The following TADA3 variants were observed in gnomAD, a reference collection of about 807,000 sequenced individuals.
The protein encoded by TADA3 is transcriptional adaptor 3.
TADA3 carries 25 observed loss-of-function variants against 43.2 expected under a neutral mutation model. The observed-to-expected ratio is 0.58, with a 90% CI of 0.42 to 0.81. The LOEUF is 0.81. TADA3 is among the 30% of genes least tolerant of loss of function. TADA3 has a pLI of 0.00. For missense variants in TADA3, 441 were observed against 567.8 expected, an observed-to-expected ratio of 0.78 and a Z score of 2.27; for synonymous variants, 235 against 225.5, an observed-to-expected ratio of 1.04 and a Z score of -0.38.
chr3:9,790,506 C>T (rs528742478), intron 2 of TADA3, among the ~76,000 whole-genome samples: 24 of 152,362 alleles, frequency 1.6e-4, no homozygotes, highest in African/African-American at 5.5e-4. Flanking sequence ...ATGACCATCA[C>T]ACCTTGTCTC....
intron 6 of TADA3, 88 bp from the exon 7 acceptor site, chr3:9,785,513 C>T (rs1387725640): frequency 1.2e-6 from 1 of 851,590 alleles, no homozygotes; most frequent in Admixed American, 2.3e-5. Context: ...CTTCAAACAC[C>T]AGAAATATCC....
chr3:9,787,871 G>A, intron 4 of TADA3: 1 of 449,458 alleles, frequency 2.2e-6, no homozygotes, highest in South Asian at 1.9e-5. Context: ...GGGCCTTGAA[G>A]GGTGAGTCAA....
At chr3:9,781,833 C>CTTTTTTTTT (rs35246642) in intron 8 of TADA3, among the ~76,000 whole-genome samples, 10 of 86,872 alleles carry the variant, frequency 1.2e-4, no homozygotes, top group African/African-American at 2.5e-4. Flanking sequence ...CCCATTACTT[C>CTTTTTTTTT]TTTTTTTTTT....
At chr3:9,781,117 G>A (rs773139512) in intron 8 of TADA3, among the ~76,000 whole-genome samples, 50 of 151,908 alleles carry the variant, frequency 3.3e-4, no homozygotes, top group Non-Finnish European at 5.9e-4. Flanking sequence ...GCAACAGAGC[G>A]TGACTGTGTC....
chr3:9,787,124 G>A lies in TADA3; in HGVS notation c.707-15C>T, dbSNP rs368414465. On this transcript the variant is annotated splice_polypyrimidine_tract_variant and intron_variant, in intron 5 of 8. Coordinates refer to ENST00000301964, the MANE Select transcript of TADA3 (RefSeq NM_006354.5). ...GGCATCCACATCTAAGCGGGCACAG[G>A]AAAGGAGGGGAGGTGGGCTGAAGTT... 138 of 1,614,094 alleles carry A rather than the reference G, an allele frequency of 8.5e-5. No homozygotes were observed. Among genetic ancestry groups the A allele is most frequent in the Non-Finnish European group, 1.2e-4 (137 of 1,180,052 alleles).
chr3:9,787,287 C>T lies in TADA3; in HGVS notation c.618G>A (p.Leu206=), dbSNP rs1369689284. The T allele has an allele frequency of 6.2e-7, 1 of 1,614,198 alleles. No individual in the cohort carries two copies. The highest frequency in any genetic ancestry group is 8.5e-7 in the Non-Finnish European group (1 of 1,180,030). The change falls in exon 5 of 9, where the codon CTG becomes CTA. Residue 206 remains leucine (L), a synonymous_variant. Coordinates refer to ENST00000301964, the MANE Select transcript of TADA3 (RefSeq NM_006354.5). ...CCCGGGCCCCATCCTTCTGCTCCTC[C>T]AGCAGGTCCTCCTGGGCCCAGCGCT... ...YSQRWAQEDL[L]EEQKDGARAA... is the part of the protein sequence containing the mutation.
In TADA3 at chr3:9,784,140, C is replaced by T; in HGVS notation, c.994G>A (p.Asp332Asn). ...LIAQGLLESE[D>N]RPAEDSEDEV... ...TCCTCGGAGTCCTCTGCGGGGCGGT[C>T]CTCAGACTCCAAAAGGCCCTGGGCA... Residue 332 changes from aspartate to asparagine, a missense_variant, in exon 8 of 9, where the codon GAC becomes AAC. By Grantham distance (23) the Asp-to-Asn change is conservative. Coordinates refer to ENST00000301964, the MANE Select transcript of TADA3 (RefSeq NM_006354.5). 1 of 1,614,182 alleles carries T rather than the reference C, an allele frequency of 6.2e-7. No individual in the cohort carries two copies. Among genetic ancestry groups the T allele is most frequent in the East Asian group, 2.2e-5 (1 of 44,884 alleles).
At position 9,791,305 on chromosome 3, in the gene TADA3, C is replaced by G. The variant is rs143747476; in HGVS notation, c.162G>C (p.Leu54=). Reference sequence around the variant, plus strand: ...CACGCAGGCGCCGGCTGGCAGAAGACAGCAGGGTCTCCAGCTCCAGCTGCA... The same window carrying G: ...CACGCAGGCGCCGGCTGGCAGAAGAGAGCAGGGTCTCCAGCTCCAGCTGCA... ...DTLQLELETL[L]SSASRRLRVL... is the part of the protein sequence containing the mutation. Residue 54 remains leucine, a synonymous_variant, in exon 2 of 9, where the codon CTG becomes CTC. Transcript: ENST00000301964. 8.1e-6 allele frequency: 13 copies of G among 1,613,722 alleles called. No individual in the cohort carries two copies. The African/African-American group carries it at 1.6e-4, about 20-fold the overall frequency.
intron 7 of TADA3, among the ~76,000 whole-genome samples, chr3:9,784,779 G>A (rs1575298695): frequency 1.3e-5 from 2 of 151,614 alleles, no homozygotes; most frequent in South Asian, 2.1e-4. Flanking sequence ...CAGGAGAATC[G>A]CTTGAACCTG....
At chr3:9,789,375 G>T in intron 4 of TADA3, 134 bp downstream of exon 4, 1 of 752,998 alleles carries the variant, frequency 1.3e-6, no homozygotes, top group Non-Finnish European at 2.1e-6. Context: ...GTGTCTGGAG[G>T]CACTGATGGA....
At chr3:9,791,213 C>T (rs1372935544) in intron 2 of TADA3, 47 bp downstream of exon 2, 1 of 1,569,976 alleles carries the variant, frequency 6.4e-7, no homozygotes, top group Non-Finnish European at 8.7e-7. Flanking sequence ...CATCCCATAA[C>T]TTGTTGCAGT....
chr3:9,790,437 A>G (rs1432672724), intron 2 of TADA3, among the ~76,000 whole-genome samples: 1 of 152,126 alleles, frequency 6.6e-6, no homozygotes, highest in Non-Finnish European at 1.5e-5. Flanking sequence ...TTCCTCCACA[A>G]GTCTCTGGCA....
In TADA3 at chr3:9,791,289, G is replaced by A. The variant is rs747763879; in HGVS notation, c.178C>T (p.Arg60Cys). 6.2e-6 allele frequency: 10 copies of A among 1,613,150 alleles called. No homozygotes were observed. The highest frequency in any genetic ancestry group is 4.0e-5 in the African/African-American group (3 of 74,908). ...LETLLSSASR[R>C]LRVLEAETQI... ...GTTTCGGCCTCAAGCACACGCAGGC[G>A]CCGGCTGGCAGAAGACAGCAGGGTC... The change falls in exon 2 of 9, where the codon CGC becomes TGC. Residue 60 changes from arginine (R) to cysteine (C), a missense_variant. Transcript: ENST00000301964.
In TADA3 at chr3:9,790,107, A is replaced by G. The variant is rs575490246; in HGVS notation, c.208-144T>C. ...CTTTTTACCTAGTAAACTCTTACTC[A>G]TCCTTCAAAATTCAGCTCATTTTCT... On this transcript the variant is annotated intron_variant, in intron 2 of 8. Coordinates refer to ENST00000301964, the MANE Select transcript of TADA3 (RefSeq NM_006354.5). 17 of 1,068,554 alleles carry G rather than the reference A, an allele frequency of 1.6e-5. No individual in the cohort carries two copies. In the East Asian group the frequency reaches 4.7e-4, roughly 29 times the overall value. 66.2% of individuals were successfully genotyped at this position (1,068,554 alleles called of 1,614,324 possible). A position where few individuals can be genotyped will look rare whatever the true frequency, so the allele number is the denominator to read the frequency against.
At position 9,791,474 on chromosome 3, in the gene TADA3, G is replaced by C; in HGVS notation, c.-8C>G. The C allele has an allele frequency of 6.3e-7, 1 of 1,599,202 alleles. No individual in the cohort carries two copies. The highest frequency in any genetic ancestry group is 8.6e-7 in the Non-Finnish European group (1 of 1,169,566). ...GTCTTTCAACTCACTCATGGCCCAG[G>C]ATATGGGGATCCTGTGGAGCTGGAG... On this transcript the variant is annotated 5_prime_UTR_variant, in exon 2 of 9. It adds an upstream start codon to the 5' untranslated region. Coordinates refer to ENST00000301964, the MANE Select transcript of TADA3 (RefSeq NM_006354.5).
intron 4 of TADA3, chr3:9,787,934 A>G: frequency 2.8e-6 from 1 of 360,632 alleles, no homozygotes; most frequent in Non-Finnish European, 5.4e-6. Context: ...CCCAGAGACC[A>G]GCGAGGAGGC....
In TADA3 at chr3:9,787,126, A is replaced by G; in HGVS notation, c.707-17T>C. On this transcript the variant is annotated splice_polypyrimidine_tract_variant and intron_variant, in intron 5 of 8. Transcript: ENST00000301964. ...CATCCACATCTAAGCGGGCACAGGA[A>G]AGGAGGGGAGGTGGGCTGAAGTTCT... 6.2e-7 allele frequency: 1 copy of G among 1,614,170 alleles called. No homozygotes were observed. The highest frequency in any genetic ancestry group is 8.5e-7 in the Non-Finnish European group (1 of 1,180,026).
chr3:9,781,636 G>T (rs571536095), intron 8 of TADA3: 2 of 450,858 alleles, frequency 4.4e-6, no homozygotes, highest in South Asian at 1.6e-5. Context: ...TCTGAACAGG[G>T]TCTGATTTAT....
chr3:9,782,352 A>T (rs1172059275), intron 8 of TADA3, among the ~76,000 whole-genome samples: 1 of 152,204 alleles, frequency 6.6e-6, no homozygotes, highest in African/African-American at 2.4e-5. Flanking sequence ...ATTTCGCTTC[A>T]CTGGGCCTTT....
Sources: allele counts gnomAD v4.1 joint callset (sites outside exome capture counted in the v4.1 genomes callset), GRCh38; gene constraint gnomAD v4.1.1; transcripts MANE v1.5; gene names NCBI Gene and HGNC (gene_info 2026-07-23, HGNC 2026-07-21).